The following HNRNPD variants were observed in gnomAD, a reference collection of about 807,000 sequenced individuals.
HNRNPD encodes the protein heterogeneous nuclear ribonucleoprotein D, also known as heterogeneous nuclear ribonucleoprotein D0.
A neutral mutation model predicts 47.9 loss-of-function variants in HNRNPD; 3 were observed. The observed-to-expected ratio is 0.06, with a 90% CI of 0.03 to 0.16. The LOEUF is 0.16. Among genes scored for constraint, HNRNPD ranks in the 10% least tolerant of loss-of-function variants. The pLI is 1.00. For missense variants in HNRNPD, 287 were observed against 454.2 expected, an observed-to-expected ratio of 0.63 and a Z score of 3.35; for synonymous variants, 171 against 165.1, an observed-to-expected ratio of 1.04 and a Z score of -0.28.
In HNRNPD at chr4:82,352,871, G is replaced by A. The variant is rs767323261; in HGVS notation, c.*1314C>T. ...GGAGGTCAAATTCTTAGCATCAGATGTAACTCCACAAAAGTAAGAAAGGTA... is the reference window on the plus strand; with the variant it reads ...GGAGGTCAAATTCTTAGCATCAGATATAACTCCACAAAAGTAAGAAAGGTA... On this transcript the variant is annotated 3_prime_UTR_variant, in exon 9 of 9. Coordinates refer to ENST00000313899, the MANE Select transcript of HNRNPD (RefSeq NM_031370.3). The A allele has an allele frequency of 3.3e-5, 5 of 152,164 alleles. No individual in the cohort carries two copies. The highest frequency in any genetic ancestry group is 6.5e-5 in the Admixed American group (1 of 15,278). The allele number at this position is 152,164 out of a possible 1,614,324, so 9.4% of individuals were successfully genotyped here.
Position 82,372,372 on chromosome 4 carries a change from G to A in HNRNPD, c.234-788C>T, listed in dbSNP as rs189108599. 4.6e-5 allele frequency among the ~76,000 whole-genome samples: 7 copies of A among 152,188 alleles called. 1 individual carries two copies. In the South Asian group the frequency reaches 1.2e-3, roughly 27 times the overall value. ...CTGTTATTTCAATTGGAGGAAGCAA[G>A]TTAATACTAAGAAATTTGCACCAAA... On this transcript the variant is annotated intron_variant, in intron 1 of 8. Coordinates refer to ENST00000313899, the MANE Select transcript of HNRNPD (RefSeq NM_031370.3).
Position 82,355,413 on chromosome 4 carries a change from C to G in HNRNPD, c.1001-12G>C. 6.2e-7 allele frequency: 1 copy of G among 1,605,656 alleles called. No homozygotes were observed. Among genetic ancestry groups the G allele is most frequent in the Non-Finnish European group, 8.5e-7 (1 of 1,172,410 alleles). On this transcript the variant is annotated splice_polypyrimidine_tract_variant and intron_variant, in intron 7 of 8. Coordinates refer to ENST00000313899, the MANE Select transcript of HNRNPD (RefSeq NM_031370.3). ...ACCACTCTGCTGGTCTAAAATAAAA[C>G]AAGTGTTAGAACCAGAACGGTAGTG...
chr4:82,364,682 G>C (rs1398760483), intron 2 of HNRNPD, among the ~76,000 whole-genome samples: 1 of 152,094 alleles, frequency 6.6e-6, no homozygotes, highest in Admixed American at 6.6e-5. Flanking sequence ...CTAAAAATTA[G>C]GTGGTATTTC....
intron 2 of HNRNPD, among the ~76,000 whole-genome samples, chr4:82,368,954 A>G (rs1719895517): frequency 6.6e-6 from 1 of 152,182 alleles, no homozygotes; most frequent in South Asian, 2.1e-4. Context: ...TTAACAGGAC[A>G]ATATCTACTG....
chr4:82,356,506 T>C, intron 7 of HNRNPD, 31 bp downstream of exon 7: 1 of 1,532,634 alleles, frequency 6.5e-7, no homozygotes, highest in South Asian at 1.1e-5. Context: ...AAATGTCAAA[T>C]AGCAGTTAAT....
chr4:82,356,931 A>T, intron 5 of HNRNPD, 36 bp from the exon 6 acceptor site: 1 of 1,524,688 alleles, frequency 6.6e-7, no homozygotes, highest in Non-Finnish European at 9.1e-7. Flanking sequence ...AACTGACTCA[A>T]GAAAATAAAA....
In HNRNPD at chr4:82,353,857, C is replaced by A. The variant is rs1325081382; in HGVS notation, c.*328G>T. On this transcript the variant is annotated 3_prime_UTR_variant, in exon 9 of 9. Transcript: ENST00000313899. The stretch of plus-strand genomic sequence containing the variant: ...TTATACAAAAGGATTTATTAAAAAA[C>A]CAGTAAGACACTACTACATCATGAC... 4 of 152,596 alleles carry A rather than the reference C, an allele frequency of 2.6e-5. No individual in the cohort carries two copies. The highest frequency in any genetic ancestry group is 4.8e-5 in the African/African-American group (2 of 41,436). 9.5% of individuals were successfully genotyped at this position (152,596 alleles called of 1,614,324 possible).
At chr4:82,368,887 G>C (rs1172403042) in intron 2 of HNRNPD, among the ~76,000 whole-genome samples, 1 of 152,144 alleles carries the variant, frequency 6.6e-6, no homozygotes, top group African/African-American at 2.4e-5. Context: ...CCTACAGCAG[G>C]ATTCACAGAA....
chr4:82,363,425 C>G (rs1449789264), intron 2 of HNRNPD, among the ~76,000 whole-genome samples: 2 of 152,216 alleles, frequency 1.3e-5, no homozygotes, highest in African/African-American at 4.8e-5. Context: ...CATGTACTGT[C>G]TGTCCAGATT....
intron 2 of HNRNPD, among the ~76,000 whole-genome samples, chr4:82,370,187 C>G (rs1385930224): frequency 6.6e-6 from 1 of 152,122 alleles, no homozygotes; most frequent in Non-Finnish European, 1.5e-5. Context: ...CAGTAAATGA[C>G]AGTTGGTTAC....
chr4:82,354,463 C>G (rs528088288), intron 8 of HNRNPD: 1 of 152,692 alleles, frequency 6.5e-6, no homozygotes, highest in Admixed American at 6.5e-5. Context: ...GACCCAAGAG[C>G]ATCTAATATT....
At chr4:82,360,992 GAGCTGGGCCATTTAT>G (rs913977860) in intron 2 of HNRNPD, among the ~76,000 whole-genome samples, 3 of 152,102 alleles carry the variant, frequency 2.0e-5, no homozygotes, top group Non-Finnish European at 4.4e-5. Flanking sequence ...ATGTATTCTA[GAGCTGGGCCATTTAT>G]ATGCTTAATG....
chr4:82,372,789 T>C (rs1233942395), intron 1 of HNRNPD, among the ~76,000 whole-genome samples: 1 of 152,128 alleles, frequency 6.6e-6, no homozygotes, highest in East Asian at 1.9e-4. Flanking sequence ...CCAGACCCAA[T>C]TTGGTCTGCA....
At chr4:82,356,477 A>C in intron 7 of HNRNPD, 60 bp downstream of exon 7, 2 of 1,384,154 alleles carry the variant, frequency 1.4e-6, no homozygotes, top group Non-Finnish European at 2.0e-6. Flanking sequence ...CTTTCTGCCT[A>C]TCCAAATTTG....
chr4:82,357,574 C>T, intron 4 of HNRNPD, 130 bp from the exon 5 acceptor site: 1 of 695,166 alleles, frequency 1.4e-6, no homozygotes, highest in Non-Finnish European at 2.3e-6. Context: ...TCTCCTGTTT[C>T]TCCCTATTTA....
chr4:82,363,032 A>ATGTGTGTG (rs71666730), intron 2 of HNRNPD, among the ~76,000 whole-genome samples: 2,033 of 148,982 alleles, frequency 0.014, 37 homozygotes, highest in African/African-American at 0.047. Flanking sequence ...TTATATATAT[A>ATGTGTGTG]TGTGTGTGTG....
intron 2 of HNRNPD, among the ~76,000 whole-genome samples, chr4:82,367,028 T>TTTA (rs201501575): frequency 1.2e-5 from 1 of 84,816 alleles, no homozygotes; most frequent in Non-Finnish European, 3.0e-5. Flanking sequence ...ACACTAGCCT[T>TTTA]TTTTTTTTTT....
Position 82,373,801 on chromosome 4 carries a change from AG to A in HNRNPD, c.-124del. The A allele has an allele frequency of 6.6e-7, 1 of 1,505,082 alleles. No individual in the cohort carries two copies. Among genetic ancestry groups the A allele is most frequent in the South Asian group, 1.2e-5 (1 of 82,458 alleles). 93.2% of individuals were successfully genotyped at this position (1,505,082 alleles called of 1,614,324 possible). On this transcript the variant is annotated 5_prime_UTR_variant, in exon 1 of 9. Coordinates refer to ENST00000313899, the MANE Select transcript of HNRNPD (RefSeq NM_031370.3). ...CTCTACCTCGCGAAGCACACAAGAC[AG>A]GGAAGGCGCGCGCGTGGCTGCAAAG...
At chr4:82,371,102 A>G (rs1343063149) in intron 2 of HNRNPD, among the ~76,000 whole-genome samples, 2 of 152,238 alleles carry the variant, frequency 1.3e-5, no homozygotes, top group African/African-American at 4.8e-5. Flanking sequence ...AGACATCTCC[A>G]GAATATTTCA....
Sources: allele counts gnomAD v4.1 joint callset (sites outside exome capture counted in the v4.1 genomes callset), GRCh38; gene constraint gnomAD v4.1.1; transcripts MANE v1.5; gene names NCBI Gene and HGNC (gene_info 2026-07-23, HGNC 2026-07-21).